EFR3B: variants seen among roughly 807,000 people sequenced by gnomAD.
EFR3B encodes the protein EFR3 homolog B, also known as protein EFR3 homolog B.
EFR3B carries 64 observed loss-of-function variants against 104.7 expected under a neutral mutation model. That is an observed-to-expected ratio of 0.61 (90% confidence interval 0.50 to 0.75). The LOEUF (loss-of-function observed/expected upper bound fraction) is 0.75. EFR3B is among the 30% of genes least tolerant of loss of function. EFR3B has a pLI of 0.00. For missense variants in EFR3B, 750 were observed against 1,078.5 expected, an observed-to-expected ratio of 0.70 and a Z score of 4.27; for synonymous variants, 385 against 417.9, an observed-to-expected ratio of 0.92 and a Z score of 0.96.
intron 1 of EFR3B, among the ~76,000 whole-genome samples, chr2:25,053,268 G>C (rs1293808307): frequency 6.6e-6 from 1 of 152,196 alleles, no homozygotes. Flanking sequence ...AGCTCCCTTA[G>C]CTTTGCTTTG....
At position 25,057,863 on chromosome 2, in the gene EFR3B, A is replaced by G. The variant is rs572223259; in HGVS notation, c.7+15544A>G. The stretch of plus-strand genomic sequence containing the variant: ...TGTGCATCAAATGATGCTTTTCAAC[A>G]GTGAAAAGGCAACCTACAGAATGGG... On this transcript the variant is annotated intron_variant, in intron 1 of 22. Transcript: ENST00000403714. Among the ~76,000 whole-genome samples the G allele has an allele frequency of 1.0e-3, 156 of 152,292 alleles. 1 individual carries two copies. Among genetic ancestry groups the G allele is most frequent in the African/African-American group, 3.7e-3 (153 of 41,552 alleles).
At chr2:25,087,247 G>A (rs958885153) in intron 1 of EFR3B, among the ~76,000 whole-genome samples, 5 of 152,008 alleles carry the variant, frequency 3.3e-5, no homozygotes, top group East Asian at 1.9e-4. Context: ...CCCATGACAC[G>A]TGGGGATTAT....
At chr2:25,088,227 A>T (rs1422935209) in intron 1 of EFR3B, among the ~76,000 whole-genome samples, 2 of 152,070 alleles carry the variant, frequency 1.3e-5, no homozygotes, top group East Asian at 3.8e-4. Flanking sequence ...GTGTGAGCTC[A>T]TGTTGTGTCA....
In EFR3B at chr2:25,042,342, G is replaced by A. The variant is rs945275700; in HGVS notation, c.7+23G>A. ...ACGGTAAGGAGGGCTCCGCGCCCGG[G>A]CCCGGGCCCGCGGGGGCGACTCCGC... is the stretch of plus-strand genomic sequence containing the variant. On this transcript the variant is annotated intron_variant, in intron 1 of 22. Coordinates refer to ENST00000403714, the MANE Select transcript of EFR3B (RefSeq NM_014971.2). The surrounding 1 kb of genome is among the most constrained non-coding windows in gnomAD (Gnocchi z 5.4). 5 of 1,258,930 alleles carry A rather than the reference G, an allele frequency of 4.0e-6. No homozygotes were observed. The highest frequency in any genetic ancestry group is 8.5e-5 in the Admixed American group (2 of 23,474). 78.0% of individuals were successfully genotyped at this position (1,258,930 alleles called of 1,614,324 possible).
At chr2:25,124,664 C>G (rs947970201) in intron 5 of EFR3B, among the ~76,000 whole-genome samples, 3 of 149,136 alleles carry the variant, frequency 2.0e-5, no homozygotes, top group Non-Finnish European at 4.4e-5. Context: ...TGTGTAAACC[C>G]GGAGGCAGAG....
At chr2:25,092,705 T>C (rs1392407715) in intron 2 of EFR3B, among the ~76,000 whole-genome samples, 6 of 152,084 alleles carry the variant, frequency 3.9e-5, no homozygotes, top group Admixed American at 3.3e-4. Context: ...CTCGCCACCA[T>C]GCCTGGCTAA....
intron 1 of EFR3B, among the ~76,000 whole-genome samples, chr2:25,078,877 G>T (rs2149178156): frequency 1.3e-5 from 2 of 152,224 alleles, no homozygotes. Flanking sequence ...TGACTCTCCT[G>T]CCCCTTCAAC....
rs554972013 is a variant in EFR3B at position 25,114,111 on chromosome 2, C to G, written c.364-7562C>G. Among the ~76,000 whole-genome samples the G allele has an allele frequency of 1.6e-4, 25 of 152,342 alleles. No homozygotes were observed. The highest frequency in any genetic ancestry group is 1.5e-3 in the South Asian group (7 of 4,824). The stretch of plus-strand genomic sequence containing the variant: ...AGACATTGGCACATTTCAAGGTGGA[C>G]TTCCGCAATAGGTGTGGTCCTTTGA... On this transcript the variant is annotated intron_variant, in intron 4 of 22. Coordinates refer to ENST00000403714, the MANE Select transcript of EFR3B (RefSeq NM_014971.2). This position sits in a 1 kb window ranked among gnomAD's most constrained non-coding sequence, Gnocchi z 4.0.
intron 1 of EFR3B, among the ~76,000 whole-genome samples, chr2:25,083,578 A>C (rs1452122332): frequency 6.6e-6 from 1 of 152,096 alleles, no homozygotes; most frequent in East Asian, 1.9e-4. Flanking sequence ...GTGGGTTCCC[A>C]GCACCCACTA....
At chr2:25,064,318 G>C (rs140715560) in intron 1 of EFR3B, among the ~76,000 whole-genome samples, 1 of 152,274 alleles carries the variant, frequency 6.6e-6, no homozygotes, top group African/African-American at 2.4e-5. Flanking sequence ...CTGTGAGTTC[G>C]TCTGTATATT....
rs72852532 is a variant in EFR3B, at chr2:25,129,939, A to G, written c.636-36A>G. 6,110 of 1,548,970 alleles carry G rather than the reference A, an allele frequency of 3.9e-3. 207 individuals carry two copies. In the African/African-American group the frequency reaches 0.073, roughly 19 times the overall value. On this transcript the variant is annotated intron_variant, in intron 6 of 22. Transcript: ENST00000403714. The stretch of plus-strand genomic sequence containing the variant: ...TGTACAGAGCCTGACCCCAGCCTGC[A>G]TGCCACCCTCTACCCATGTGCCTCT...
chr2:25,139,427 A>G (rs994647086), intron 16 of EFR3B, among the ~76,000 whole-genome samples: 1 of 152,044 alleles, frequency 6.6e-6, no homozygotes, highest in Non-Finnish European at 1.5e-5. Flanking sequence ...TGTTTCTAAT[A>G]CTGTCTGCCC....
chr2:25,113,371 TG>T (rs1669773611), intron 4 of EFR3B, among the ~76,000 whole-genome samples: 1 of 152,188 alleles, frequency 6.6e-6, no homozygotes, highest in South Asian at 2.1e-4. Flanking sequence ...TAGGAGTTCC[TG>T]TTGTATTATG....
At chr2:25,094,893 C>T (rs1457782474) in intron 3 of EFR3B, among the ~76,000 whole-genome samples, 2 of 152,152 alleles carry the variant, frequency 1.3e-5, no homozygotes, top group East Asian at 1.9e-4. Flanking sequence ...GGGCTCAAGA[C>T]GTCCTCCCAC....
chr2:25,092,587 C>T (rs552840317), intron 2 of EFR3B, among the ~76,000 whole-genome samples: 1 of 151,876 alleles, frequency 6.6e-6, no homozygotes, highest in African/African-American at 2.4e-5. Flanking sequence ...CTCACTCTGT[C>T]GCCCAGGCTA....
Position 25,131,681 on chromosome 2 carries a change from C to T in EFR3B, c.986-69C>T. ...GGAAGGGGGCGTGACCCTGCCCTGC[C>T]TGCGCGCGGTGCACAGAGGAGGAGG... On this transcript the variant is annotated intron_variant, in intron 9 of 22. Transcript: ENST00000403714. This position sits in a 1 kb window ranked among gnomAD's most constrained non-coding sequence, Gnocchi z 7.6. 4 of 1,478,318 alleles carry T rather than the reference C, an allele frequency of 2.7e-6. No individual in the cohort carries two copies. The highest frequency in any genetic ancestry group is 2.7e-6 in the Non-Finnish European group (3 of 1,109,212). The allele number at this position is 1,478,318 out of a possible 1,614,324, so 91.6% of individuals were successfully genotyped here.
intron 1 of EFR3B, among the ~76,000 whole-genome samples, chr2:25,071,677 A>T (rs753363622): frequency 2.0e-5 from 3 of 152,222 alleles, no homozygotes; most frequent in Non-Finnish European, 4.4e-5. Context: ...GGTCTAGCCT[A>T]GGAATTTTTC....
Position 25,131,359 on chromosome 2 carries a change from C to T in EFR3B, c.850-9C>T, listed in dbSNP as rs1180083028. 1 of 1,549,488 alleles carries T rather than the reference C, an allele frequency of 6.5e-7. No individual in the cohort carries two copies. ...TGCTGTCCAGGCCCAGCTCATCTTC[C>T]TCCCGCAGCCGCAGCACTCACACCT... On this transcript the variant is annotated splice_polypyrimidine_tract_variant and intron_variant, in intron 8 of 22. Transcript: ENST00000403714. The surrounding 1 kb of genome is among the most constrained non-coding windows in gnomAD (Gnocchi z 7.6).
At chr2:25,087,616 G>C (rs1349538386) in intron 1 of EFR3B, among the ~76,000 whole-genome samples, 1 of 151,842 alleles carries the variant, frequency 6.6e-6, no homozygotes, top group Non-Finnish European at 1.5e-5. Flanking sequence ...GGGACTACAG[G>C]CACCCGCCAC....
Sources: gnomAD v4.1 joint callset for allele counts (sites outside exome capture counted in the v4.1 genomes callset) on GRCh38, gnomAD v4.1.1 for gene constraint, Gnocchi (gnomAD v3.1) non-coding constraint, MANE v1.5 for transcripts, NCBI Gene and HGNC (gene_info 2026-07-23, HGNC 2026-07-21) for gene names.